The following RAB5B variants were observed in gnomAD, a reference collection of about 807,000 sequenced individuals.
RAB5B encodes RAB5B, member RAS oncogene family.
RAB5B carries 11 observed loss-of-function variants against 28.6 expected under a neutral mutation model. That is an observed-to-expected ratio of 0.38 (90% CI 0.24 to 0.64). The LOEUF (loss-of-function observed/expected upper bound fraction) is 0.64. Among genes scored for constraint, RAB5B ranks in the 30% least tolerant of loss-of-function variants. The pLI, the probability that RAB5B is intolerant of heterozygous loss-of-function variation, is 0.53. For missense variants in RAB5B, 169 were observed against 265.6 expected (o/e 0.64, Z 2.53); for synonymous variants, 93 against 97.9 (o/e 0.95, Z 0.29).
chr12:55,976,801 A>G (rs1222356884), intron 1 of RAB5B, among the ~76,000 whole-genome samples: 1 of 152,180 alleles, frequency 6.6e-6, no homozygotes, highest in African/African-American at 2.4e-5. Flanking sequence ...TCTCAGAGTC[A>G]GAGTACAGCT....
chr12:55,986,125 T>C (rs995880636), intron 1 of RAB5B, among the ~76,000 whole-genome samples: 2 of 152,002 alleles, frequency 1.3e-5, no homozygotes, highest in Non-Finnish European at 2.9e-5. Context: ...CTAGAGTGAA[T>C]CTCTCATTTT....
At position 55,992,269 on chromosome 12, in the gene RAB5B, C is replaced by G. The variant is rs1051492568; in HGVS notation, c.*57C>G. The G allele has an allele frequency of 7.8e-6, 11 of 1,401,706 alleles. No individual in the cohort carries two copies. The highest frequency in any genetic ancestry group is 1.1e-5 in the Non-Finnish European group (11 of 995,094). The allele number at this position is 1,401,706 out of a possible 1,614,324, so 86.8% of individuals were successfully genotyped here. A position where few individuals can be genotyped will look rare whatever the true frequency, so the allele number is the denominator to read the frequency against. On this transcript the variant is annotated 3_prime_UTR_variant, in exon 6 of 6. Transcript: ENST00000360299. ...TAGCACAAGAGCTAAGAAATAACCT[C>G]CATCCCTACCCCTCAGCACACAACC...
Position 55,994,454 on chromosome 12 carries a change from C to T in RAB5B, c.*2242C>T, listed in dbSNP as rs985083504. Reference sequence around the variant, plus strand: ...CCTATCGGCTGCCTTCCCTCTACTTCCTACCACCTCTTCTGCCTTCCTTTG... The same window carrying T: ...CCTATCGGCTGCCTTCCCTCTACTTTCTACCACCTCTTCTGCCTTCCTTTG... On this transcript the variant is annotated 3_prime_UTR_variant, in exon 6 of 6. Transcript: ENST00000360299. 3 of 147,904 alleles carry T rather than the reference C, an allele frequency of 2.0e-5. No homozygotes were observed. The highest frequency in any genetic ancestry group is 3.0e-5 in the Non-Finnish European group (2 of 67,198). The allele number at this position is 147,904 out of a possible 1,614,324, so 9.2% of individuals were successfully genotyped here.
chr12:55,974,392 G>A (rs1889586120), intron 1 of RAB5B, among the ~76,000 whole-genome samples: 1 of 152,260 alleles, frequency 6.6e-6, no homozygotes. Context: ...AGGGCCGGGG[G>A]CTGGAGGCCT....
chr12:55,986,052 T>C lies in RAB5B; in HGVS notation c.-92-817T>C, dbSNP rs375230363. ...TGTCTTATCAGGGAGACCGGTCATA[T>C]ATAAAGGATACAGCAGCAACTACCC... On this transcript the variant is annotated intron_variant, in intron 1 of 5. Coordinates refer to ENST00000360299, the MANE Select transcript of RAB5B (RefSeq NM_002868.4). Among the ~76,000 whole-genome samples the C allele has an allele frequency of 3.3e-5, 5 of 152,296 alleles. No individual in the cohort carries two copies. In the East Asian group the frequency reaches 9.6e-4, roughly 29 times the overall value.
chr12:55,977,687 C>G (rs1322464347), intron 1 of RAB5B, among the ~76,000 whole-genome samples: 1 of 152,196 alleles, frequency 6.6e-6, no homozygotes, highest in Non-Finnish European at 1.5e-5. Context: ...CAGCAGCCCT[C>G]TTGGAGGAAG....
rs907846182 is a variant in RAB5B at position 55,991,350 on chromosome 12, C to G, written c.439-10C>G. 1 of 1,607,448 alleles carries G rather than the reference C, an allele frequency of 6.2e-7. No homozygotes were observed. Among genetic ancestry groups the G allele is most frequent in the Non-Finnish European group, 8.5e-7 (1 of 1,173,984 alleles). On this transcript the variant is annotated splice_polypyrimidine_tract_variant and intron_variant, in intron 4 of 5. Transcript: ENST00000360299. ...ACATTCTGAGCACTAATACATCCCACTCCTTGCAGGAGGCCCAGGCATATG... is the reference window on the plus strand; with the variant it reads ...ACATTCTGAGCACTAATACATCCCAGTCCTTGCAGGAGGCCCAGGCATATG...
intron 1 of RAB5B, among the ~76,000 whole-genome samples, chr12:55,975,669 C>T (rs1889624537): frequency 6.6e-6 from 1 of 151,982 alleles, no homozygotes; most frequent in African/African-American, 2.4e-5. Context: ...CCCTCCTCCC[C>T]ACATATTTTT....
chr12:55,991,214 T>C, intron 4 of RAB5B, 146 bp from the exon 5 acceptor site: 1 of 606,530 alleles, frequency 1.6e-6, no homozygotes, highest in Non-Finnish European at 3.0e-6. Flanking sequence ...CATTAAATTA[T>C]GCATCTAGGC....
In RAB5B at chr12:55,996,414, C is replaced by T. The variant is rs1565793545; in HGVS notation, c.*4202C>T. 6.6e-6 allele frequency: 1 copy of T among 152,148 alleles called. No homozygotes were observed. Among genetic ancestry groups the T allele is most frequent in the African/African-American group, 2.4e-5 (1 of 41,412 alleles). The allele number at this position is 152,148 out of a possible 1,614,324, so 9.4% of individuals were successfully genotyped here. Reference sequence around the variant, plus strand: ...AAATGTATTATATTTATGCCCCTTACTTTGAGATAAGAGACTACAACCTTC... The same window carrying T: ...AAATGTATTATATTTATGCCCCTTATTTTGAGATAAGAGACTACAACCTTC... On this transcript the variant is annotated 3_prime_UTR_variant, in exon 6 of 6. Transcript: ENST00000360299.
chr12:55,991,586 G>A, intron 5 of RAB5B, 133 bp downstream of exon 5: 1 of 662,690 alleles, frequency 1.5e-6, no homozygotes, highest in African/African-American at 1.8e-5. Context: ...TTAACTTTCT[G>A]TTATGACCTC....
At chr12:55,983,637 C>T (rs1169465443) in intron 1 of RAB5B, among the ~76,000 whole-genome samples, 2 of 149,736 alleles carry the variant, frequency 1.3e-5, no homozygotes, top group African/African-American at 4.9e-5. Flanking sequence ...TTCCTCTTTA[C>T]CCTTTAGTTA....
chr12:55,980,772 A>C, intron 1 of RAB5B: 1 of 1,578,148 alleles, frequency 6.3e-7, no homozygotes, highest in Non-Finnish European at 8.7e-7. Context: ...GTGATGTCGT[A>C]TGCTAGGATA....
intron 1 of RAB5B, among the ~76,000 whole-genome samples, chr12:55,975,614 CA>C (rs111751524): frequency 0.027 from 3,422 of 128,378 alleles, 49 homozygotes; most frequent in Non-Finnish European, 0.042. Context: ...ACCCTGTCTC[CA>C]AAAAAAAAAA....
At chr12:55,980,449 C>A in intron 1 of RAB5B, 1 of 1,591,458 alleles carries the variant, frequency 6.3e-7, no homozygotes. Context: ...TGTTGGTGTT[C>A]TTTATGTCAC....
intron 5 of RAB5B, 65 bp downstream of exon 5, chr12:55,991,518 C>A: frequency 7.3e-7 from 1 of 1,368,278 alleles, no homozygotes; most frequent in Non-Finnish European, 1.0e-6. Context: ...ATAGCTAACC[C>A]AAATCAAGGA....
intron 1 of RAB5B, among the ~76,000 whole-genome samples, chr12:55,976,005 C>T (rs1889637910): frequency 6.6e-6 from 1 of 152,096 alleles, no homozygotes; most frequent in African/African-American, 2.4e-5. Flanking sequence ...CCACCTCGGC[C>T]TCCCAAAGTG....
intron 1 of RAB5B, among the ~76,000 whole-genome samples, chr12:55,977,120 G>A (rs146875894): frequency 4.5e-4 from 68 of 152,126 alleles, no homozygotes; most frequent in African/African-American, 1.5e-3. Context: ...GATTACAGGC[G>A]TGCACCACCA....
intron 1 of RAB5B, among the ~76,000 whole-genome samples, chr12:55,982,949 A>C (rs946813140): frequency 6.6e-6 from 1 of 152,224 alleles, no homozygotes; most frequent in Non-Finnish European, 1.5e-5. Flanking sequence ...TAAGGGAGTA[A>C]GTTGAAAAAA....
Sources: allele counts gnomAD v4.1 joint callset (sites outside exome capture counted in the v4.1 genomes callset), GRCh38; gene constraint gnomAD v4.1.1; transcripts MANE v1.5; gene names NCBI Gene and HGNC (gene_info 2026-07-23, HGNC 2026-07-21).